The following ACOT11 variants were observed in gnomAD, a reference collection of about 807,000 sequenced individuals.
ACOT11 encodes the protein acyl-CoA thioesterase 11.
Under a neutral mutation model 77.5 loss-of-function variants are expected in ACOT11, and 69 were observed. That is an observed-to-expected ratio of 0.89 (90% CI 0.73 to 1.09). The LOEUF (loss-of-function observed/expected upper bound fraction) is 1.09, where lower values mean the gene tolerates loss of function less well. Ranked by LOEUF, ACOT11 falls within the 50% of genes least tolerant of loss-of-function variation. The pLI is 0.00. For missense variants in ACOT11, 766 were observed against 813.7 expected (o/e 0.94, Z 0.71); for synonymous variants, 279 against 313.0 (o/e 0.89, Z 1.15).
intron 15 of ACOT11, chr1:54,616,091 T>G (rs1569791579): frequency 6.2e-7 from 1 of 1,613,856 alleles, no homozygotes; most frequent in Non-Finnish European, 8.5e-7. Flanking sequence ...AGTGGGGGGG[T>G]GTGCCATGAT....
chr1:54,571,128 T>G (rs1653918303), intron 1 of ACOT11, among the ~76,000 whole-genome samples: 1 of 151,650 alleles, frequency 6.6e-6, no homozygotes, highest in African/African-American at 2.4e-5. Context: ...GCTGGGTAAC[T>G]ATGATATTCT....
rs1176864911 is a variant in ACOT11, at chr1:54,628,603, C to CT, written c.1630-2131_1630-2130insT. On this transcript the variant is annotated intron_variant, in intron 15 of 16. Transcript: ENST00000371316. ...GAGCAAGACCCCATCGCCCCCCCCC[C>CT]CCAAAAAAGGAAAAAAGAAACCCAT... 4.1e-5 allele frequency among the ~76,000 whole-genome samples: 5 copies of CT among 123,186 alleles called. 2 individuals carry two copies. In the South Asian group the frequency reaches 8.8e-4, roughly 22 times the overall value. The allele number at this position is 123,186 out of a possible 152,430, so 80.8% of individuals were successfully genotyped here. A position where few individuals can be genotyped will look rare whatever the true frequency, so the allele number is the denominator to read the frequency against.
At chr1:54,554,953 T>A (rs1374692370) in intron 1 of ACOT11, among the ~76,000 whole-genome samples, 2 of 125,198 alleles carry the variant, frequency 1.6e-5, no homozygotes, top group African/African-American at 7.9e-5. Flanking sequence ...GTCTTCTGGT[T>A]TTGTTTGTTT....
At chr1:54,578,336 T>C (rs1654187223) in intron 1 of ACOT11, among the ~76,000 whole-genome samples, 1 of 152,188 alleles carries the variant, frequency 6.6e-6, no homozygotes, top group Non-Finnish European at 1.5e-5. Flanking sequence ...GATGGGAACC[T>C]TGTGAAAGGA....
At chr1:54,564,668 T>G (rs1200208355) in intron 1 of ACOT11, among the ~76,000 whole-genome samples, 2 of 152,206 alleles carry the variant, frequency 1.3e-5, no homozygotes, top group African/African-American at 2.4e-5. Context: ...TTCCTCTTTT[T>G]CTTCTCCAGG....
downstream of ACOT11, chr1:54,610,603 C>A: frequency 6.3e-7 from 1 of 1,590,360 alleles, no homozygotes; most frequent in South Asian, 1.1e-5. Context: ...ATTCACAGAA[C>A]ACCTTACCTG....
intron 13 of ACOT11, 96 bp downstream of exon 13, chr1:54,605,305 C>A: frequency 6.7e-7 from 1 of 1,482,908 alleles, no homozygotes; most frequent in Admixed American, 2.1e-5. Context: ...TGATGCTCTG[C>A]CCTGCTGGGG....
At chr1:54,604,583 A>G (rs950664898) in intron 12 of ACOT11, among the ~76,000 whole-genome samples, 154 bp downstream of exon 12, 9 of 152,096 alleles carry the variant, frequency 5.9e-5, no homozygotes, top group African/African-American at 2.2e-4. Flanking sequence ...ATGGAAACGT[A>G]CCCACCCCTG....
chr1:54,550,021 A>C (rs947549876), intron 1 of ACOT11, among the ~76,000 whole-genome samples: 6 of 152,198 alleles, frequency 3.9e-5, no homozygotes, highest in African/African-American at 1.4e-4. Context: ...TTATGAACTC[A>C]TTCAGTTCTC....
chr1:54,619,306 G>A lies in ACOT11; in HGVS notation c.1629+11238G>A, dbSNP rs116556038. Among the ~76,000 whole-genome samples the A allele has an allele frequency of 1.0e-2, 1,522 of 152,306 alleles. 21 individuals carry two copies. The highest frequency in any genetic ancestry group is 0.014 in the Non-Finnish European group (960 of 68,032). On this transcript the variant is annotated intron_variant, in intron 15 of 16. Transcript: ENST00000371316. ...GGAGAGGGTGGGGGTCAAGCGTCAC[G>A]CAGTGGCTTGGAGCGTGCACTCTGG...
chr1:54,579,597 G>C (rs1331970934), intron 1 of ACOT11, among the ~76,000 whole-genome samples: 1 of 152,334 alleles, frequency 6.6e-6, no homozygotes, highest in East Asian at 1.9e-4. Flanking sequence ...AATTTAGTCA[G>C]CTCCCTCATA....
chr1:54,556,888 T>C (rs543601464), intron 1 of ACOT11, among the ~76,000 whole-genome samples: 3 of 152,168 alleles, frequency 2.0e-5, no homozygotes, highest in African/African-American at 2.4e-5. Context: ...TGGTCTTCAC[T>C]GTAGAGATCT....
chr1:54,634,993 T>A (rs1024319827), exon 17 of ACOT11: 2 of 449,602 alleles, frequency 4.4e-6, no homozygotes, highest in Non-Finnish European at 7.8e-6. Flanking sequence ...TGAGTATTCC[T>A]TCAATAAGGG....
chr1:54,565,449 C>T (rs1371646191), intron 1 of ACOT11, among the ~76,000 whole-genome samples: 4 of 152,196 alleles, frequency 2.6e-5, no homozygotes, highest in African/African-American at 9.7e-5. Flanking sequence ...GATGTCCCCT[C>T]TGCTGCACTC....
At chr1:54,613,841 TGGAG>T (rs1037709496), downstream of ACOT11, among the ~76,000 whole-genome samples, 5 of 152,158 alleles carry the variant, frequency 3.3e-5, no homozygotes, top group African/African-American at 1.2e-4. Context: ...ATTGGATGGA[TGGAG>T]GAAGAGATGG....
chr1:54,566,311 G>A (rs1207695845), intron 1 of ACOT11, among the ~76,000 whole-genome samples: 1 of 152,092 alleles, frequency 6.6e-6, no homozygotes, highest in Non-Finnish European at 1.5e-5. Flanking sequence ...ACAAAAATTA[G>A]CTGGGCATGG....
At chr1:54,619,841 T>C in intron 15 of ACOT11, 2 of 1,612,224 alleles carry the variant, frequency 1.2e-6, no homozygotes, top group South Asian at 2.2e-5. Context: ...CTGGCCTGCC[T>C]CAGTCTTGGC....
chr1:54,568,108 CACTGTCTGTTCTCTTGT>C (rs1173996954), intron 1 of ACOT11, among the ~76,000 whole-genome samples: 1 of 152,120 alleles, frequency 6.6e-6, no homozygotes, highest in East Asian at 1.9e-4. Context: ...GGGGTTTTTG[CACTGTCTGTTCTCTTGT>C]CCGCAACCCT....
chr1:54,630,819 G>T (rs377475734), exon 16 of ACOT11: 3 of 769,588 alleles, frequency 3.9e-6, no homozygotes, highest in African/African-American at 3.4e-5. Flanking sequence ...TCAAAGGGTC[G>T]CAGGAGCGAC....
Sources: gnomAD v4.1 joint callset for allele counts (sites outside exome capture counted in the v4.1 genomes callset) on GRCh38, gnomAD v4.1.1 for gene constraint, MANE v1.5 for transcripts, NCBI Gene and HGNC (gene_info 2026-07-23, HGNC 2026-07-21) for gene names.